The following RARB variants were observed in gnomAD, a reference collection of about 807,000 sequenced individuals.
RARB encodes the protein retinoic acid receptor beta.
In RARB, 17 loss-of-function variants were observed where a neutral mutation model predicts 51.9. The observed-to-expected ratio is 0.33, with a 90% CI of 0.22 to 0.49. The LOEUF (loss-of-function observed/expected upper bound fraction) is 0.49. RARB is among the 20% of genes least tolerant of loss of function. The pLI, the probability that RARB is intolerant of heterozygous loss-of-function variation, is 0.99. For synonymous variants in RARB, 215 were observed against 195.4 expected (o/e 1.10, Z -0.84); for missense variants, 369 against 550.8 (o/e 0.67, Z 3.30).
At chr3:25,159,449 G>T (rs1329017229) in intron 4 of RARB, among the ~76,000 whole-genome samples, 1 of 150,540 alleles carries the variant, frequency 6.6e-6, no homozygotes, top group East Asian at 1.9e-4. Context: ...AAAGTGCTGG[G>T]ATTACAGGCG....
At chr3:25,091,780 G>A (rs1559463097) in intron 3 of RARB, among the ~76,000 whole-genome samples, 6 of 152,116 alleles carry the variant, frequency 3.9e-5, no homozygotes, top group South Asian at 2.1e-4. Flanking sequence ...GCTGCCATCC[G>A]TCTTCATGTA....
chr3:25,447,632 C>T (rs771445711), intron 1 of RARB, among the ~76,000 whole-genome samples: 1 of 152,088 alleles, frequency 6.6e-6, no homozygotes, highest in Non-Finnish European at 1.5e-5. Context: ...AATGAGAGAT[C>T]GCTGTGGTAA....
chr3:25,329,801 A>C (rs1027407636), intron 5 of RARB, among the ~76,000 whole-genome samples: 2 of 152,216 alleles, frequency 1.3e-5, no homozygotes, highest in Non-Finnish European at 2.9e-5. Flanking sequence ...TAGAATAACC[A>C]GTGTAGAGAA....
chr3:24,955,896 ATC>A (rs1696004329), intron 2 of RARB, among the ~76,000 whole-genome samples: 1 of 152,110 alleles, frequency 6.6e-6, no homozygotes, highest in South Asian at 2.1e-4. Context: ...TAGGTAAAAT[ATC>A]TCTCTGGGCA....
rs1270799443 is a variant in RARB at position 24,862,693 on chromosome 3, C to G, written c.-380+3941C>G. ...TTTATATATCTACAGTTTCAAGTAT[C>G]CACTGGGGGTCTTGGAATGTATGCC... On this transcript the variant is annotated intron_variant, in intron 2 of 11. Transcript: ENST00000383772. Among the ~76,000 whole-genome samples the G allele has an allele frequency of 2.0e-5, 3 of 152,098 alleles. 1 individual carries two copies. The highest frequency in any genetic ancestry group is 4.4e-5 in the Non-Finnish European group (3 of 68,018).
chr3:24,860,421 G>A (rs964557742), intron 2 of RARB, among the ~76,000 whole-genome samples: 2 of 152,074 alleles, frequency 1.3e-5, no homozygotes, highest in African/African-American at 4.8e-5. Context: ...CAGGTCATTT[G>A]GCAGAAGGTT....
intron 5 of RARB, among the ~76,000 whole-genome samples, chr3:25,196,301 A>G (rs935984975): frequency 2.6e-5 from 4 of 151,544 alleles, no homozygotes; most frequent in South Asian, 2.1e-4. Context: ...GTTCCCACCT[A>G]TGAGTGAGAA....
chr3:25,077,637 A>G (rs1167145146), intron 3 of RARB, among the ~76,000 whole-genome samples: 1 of 152,316 alleles, frequency 6.6e-6, no homozygotes, highest in Non-Finnish European at 1.5e-5. Flanking sequence ...TAAAACTGCT[A>G]TGAAGATTTT....
intron 5 of RARB, among the ~76,000 whole-genome samples, chr3:25,275,701 G>A (rs542275871): frequency 2.4e-4 from 37 of 151,650 alleles, no homozygotes; most frequent in African/African-American, 8.9e-4. Context: ...GGACATCATT[G>A]CCCTTAATAA....
intron 5 of RARB, among the ~76,000 whole-genome samples, chr3:25,358,580 C>A (rs1260496945): frequency 1.3e-5 from 2 of 152,114 alleles, no homozygotes; most frequent in Non-Finnish European, 2.9e-5. Flanking sequence ...GGAATCCTTC[C>A]AGGTTTGCCC....
intron 5 of RARB, chr3:25,259,846 A>G: frequency 1.1e-6 from 1 of 933,450 alleles, no homozygotes; most frequent in South Asian, 4.9e-5. Flanking sequence ...GGTATCTGTC[A>G]TTGCTTCCCA....
chr3:25,592,927 G>C (rs748563634), intron 5 of RARB, among the ~76,000 whole-genome samples: 73 of 152,172 alleles, frequency 4.8e-4, no homozygotes, highest in Non-Finnish European at 7.9e-4. Context: ...ATGGGAGAGA[G>C]AGCCTAACTT....
intron 5 of RARB, among the ~76,000 whole-genome samples, chr3:25,303,592 G>A (rs1032249025): frequency 3.3e-5 from 5 of 152,144 alleles, no homozygotes; most frequent in Non-Finnish European, 5.9e-5. Flanking sequence ...GCAGACATTT[G>A]CCACATGGTT....
chr3:25,453,327 A>G (rs928630357), intron 1 of RARB, among the ~76,000 whole-genome samples: 4 of 144,812 alleles, frequency 2.8e-5, no homozygotes, highest in Non-Finnish European at 6.0e-5. Context: ...GGCTCACTGC[A>G]ACCTCCGCCT....
At chr3:25,081,603 ATATATATATATATATATATTTTTTTTTTT>A (rs1197823465) in intron 3 of RARB, among the ~76,000 whole-genome samples, 1 of 11,380 alleles carries the variant, frequency 8.8e-5, no homozygotes, top group Admixed American at 1.0e-3. Context: ...ATATATATAT[ATATATATATATATATATATTTTTTTTTTT>A]TTTTTTTTTT....
chr3:25,254,515 TATC>T (rs1702811858), intron 5 of RARB, among the ~76,000 whole-genome samples: 1 of 152,134 alleles, frequency 6.6e-6, no homozygotes, highest in African/African-American at 2.4e-5. Flanking sequence ...ACTGAAACAA[TATC>T]ATTATTGGGA....
At chr3:24,962,204 C>G (rs1176913525) in intron 2 of RARB, among the ~76,000 whole-genome samples, 1 of 151,670 alleles carries the variant, frequency 6.6e-6, no homozygotes, top group African/African-American at 2.4e-5. Flanking sequence ...GCTGGGATTA[C>G]AGGTGTGAGC....
At chr3:25,306,760 G>A (rs182603580) in intron 5 of RARB, among the ~76,000 whole-genome samples, 231 of 152,290 alleles carry the variant, frequency 1.5e-3, no homozygotes, top group African/African-American at 5.0e-3. Context: ...AATGTCTGCC[G>A]TTTCCACAAT....
At chr3:25,238,508 C>T (rs569151691) in intron 5 of RARB, among the ~76,000 whole-genome samples, 2 of 151,912 alleles carry the variant, frequency 1.3e-5, no homozygotes, top group Non-Finnish European at 2.9e-5. Flanking sequence ...ATGTTTTTTC[C>T]CTTGCGTAAA....
Sources: gnomAD v4.1 joint callset for allele counts (sites outside exome capture counted in the v4.1 genomes callset) on GRCh38, gnomAD v4.1.1 for gene constraint, MANE v1.5 for transcripts, NCBI Gene and HGNC (gene_info 2026-07-23, HGNC 2026-07-21) for gene names.